Variants in ABCC4 observed in about 807,000 individuals in gnomAD.
ABCC4 encodes the protein ATP binding cassette subfamily C member 4 (PEL blood group).
Under a neutral mutation model 168.5 loss-of-function variants are expected in ABCC4, and 102 were observed. The ratio of observed to expected loss-of-function variants is 0.61; its 90% CI spans 0.52 to 0.71. The LOEUF (loss-of-function observed/expected upper bound fraction) is 0.71, where lower values mean the gene tolerates loss of function less well. Ranked by LOEUF, ABCC4 falls within the 30% of genes least tolerant of loss-of-function variation. The probability of loss-of-function intolerance (pLI) is 0.00; values close to 1 mark genes in which losing one functional copy is unlikely to be tolerated. For missense variants in ABCC4, 1,402 were observed against 1,605.8 expected (o/e 0.87, Z 2.17); for synonymous variants, 617 against 590.7 (o/e 1.04, Z -0.65).
intron 21 of ABCC4, among the ~76,000 whole-genome samples, chr13:95,076,600 G>A (rs1202159324): frequency 6.6e-6 from 1 of 151,568 alleles, no homozygotes; most frequent in Non-Finnish European, 1.5e-5. Context: ...AAGTAGCTGG[G>A]ATTACAGATG....
intron 9 of ABCC4, among the ~76,000 whole-genome samples, chr13:95,192,536 C>T (rs2038287795): frequency 6.6e-6 from 1 of 152,234 alleles, no homozygotes; most frequent in African/African-American, 2.4e-5. Context: ...TGTGTGGTAG[C>T]TACCTCAGTG....
intron 20 of ABCC4, among the ~76,000 whole-genome samples, chr13:95,091,908 C>T (rs1175782531): frequency 6.6e-6 from 1 of 152,176 alleles, no homozygotes; most frequent in Non-Finnish European, 1.5e-5. Flanking sequence ...AACCAATCTG[C>T]TGCCTTCTGG....
chr13:95,157,770 C>T (rs879795373), intron 19 of ABCC4, among the ~76,000 whole-genome samples: 10 of 152,050 alleles, frequency 6.6e-5, no homozygotes, highest in Admixed American at 1.3e-4. Flanking sequence ...GCGTGGCCTT[C>T]CTAGAAACAG....
chr13:95,208,523 C>A (rs1186691447), intron 6 of ABCC4, among the ~76,000 whole-genome samples: 6 of 150,680 alleles, frequency 4.0e-5, no homozygotes, highest in Non-Finnish European at 8.8e-5. Context: ...ACAACCTTGA[C>A]AATGAACCAT....
chr13:95,219,039 AG>A (rs1233434664), intron 4 of ABCC4, among the ~76,000 whole-genome samples: 1 of 152,084 alleles, frequency 6.6e-6, no homozygotes, highest in African/African-American at 2.4e-5. Flanking sequence ...AAGAAAAGAA[AG>A]GGAAAAAAAA....
In ABCC4 at chr13:95,161,317, A is replaced by T. The variant is rs775415620; in HGVS notation, c.2327T>A (p.Val776Asp). The change falls in exon 19 of 31, where the codon GTT becomes GAT. Residue 776 changes from valine (V) to aspartate (D), a missense_variant. Coordinates refer to ENST00000645237, the MANE Select transcript of ABCC4 (RefSeq NM_005845.5). ...GIYSGLTVAT[V>D]LFGIARSLLV... is the part of the protein sequence containing the mutation. ...TAGAGATCTTGCTATGCCAAAAAGAACGGTAGCTACAGTTAAACCTGAAAT... is the reference window on the plus strand; with the variant it reads ...TAGAGATCTTGCTATGCCAAAAAGATCGGTAGCTACAGTTAAACCTGAAAT... The T allele has an allele frequency of 2.5e-6, 4 of 1,589,700 alleles. No individual in the cohort carries two copies. The highest frequency in any genetic ancestry group is 3.4e-6 in the Non-Finnish European group (4 of 1,172,426).
chr13:95,109,729 C>T (rs2035137781), intron 20 of ABCC4, among the ~76,000 whole-genome samples: 1 of 152,152 alleles, frequency 6.6e-6, no homozygotes, highest in African/African-American at 2.4e-5. Flanking sequence ...CCATTCTCTC[C>T]TACAGTATCC....
chr13:95,282,851 T>C (rs142891402), intron 1 of ABCC4, among the ~76,000 whole-genome samples: 103 of 152,146 alleles, frequency 6.8e-4, no homozygotes, highest in Non-Finnish European at 1.3e-3. Context: ...GTTAAATATG[T>C]TATGTGTGAG....
intron 1 of ABCC4, among the ~76,000 whole-genome samples, chr13:95,263,959 A>G (rs1486177146): frequency 2.0e-5 from 3 of 152,242 alleles, no homozygotes; most frequent in Non-Finnish European, 2.9e-5. Flanking sequence ...GGGCAGAAGA[A>G]GTACAAGACA....
intron 19 of ABCC4, among the ~76,000 whole-genome samples, chr13:95,143,229 G>T (rs1476188049): frequency 6.6e-6 from 1 of 151,740 alleles, no homozygotes; most frequent in African/African-American, 2.4e-5. Context: ...CAGGCCTAGA[G>T]AACAGCTGGA....
intron 19 of ABCC4, among the ~76,000 whole-genome samples, chr13:95,146,999 T>C (rs1317829459): frequency 6.6e-6 from 1 of 152,194 alleles, no homozygotes; most frequent in Non-Finnish European, 1.5e-5. Flanking sequence ...ATTTTTGACT[T>C]TCTTAAGCTC....
intron 20 of ABCC4, among the ~76,000 whole-genome samples, chr13:95,104,528 A>G (rs1371394110): frequency 1.3e-5 from 2 of 152,208 alleles, no homozygotes; most frequent in African/African-American, 2.4e-5. Flanking sequence ...TTTTCCTCCA[A>G]TTCTCATCTC....
At position 95,244,657 on chromosome 13, in the gene ABCC4, G is replaced by T. The variant is rs1487588598; in HGVS notation, c.306+2318C>A. Among the ~76,000 whole-genome samples, 20 of 79,448 alleles carry T rather than the reference G, an allele frequency of 2.5e-4. 5 individuals carry two copies. Among genetic ancestry groups the T allele is most frequent in the Middle Eastern group, 5.2e-3 (1 of 194 alleles). The allele number at this position is 79,448 out of a possible 152,430, so 52.1% of individuals were successfully genotyped here. On this transcript the variant is annotated intron_variant, in intron 3 of 30. Transcript: ENST00000645237. ...AGAAAGAAAGAAAGAAAGAAAGAAA[G>T]AAAGAAAGAAAGAAATCATAGCAGT...
intron 23 of ABCC4, among the ~76,000 whole-genome samples, chr13:95,073,779 C>T (rs2033809082): frequency 6.6e-6 from 1 of 152,128 alleles, no homozygotes; most frequent in South Asian, 2.1e-4. Flanking sequence ...TGAACTCATG[C>T]CCTGCTTGTC....
At chr13:95,246,859 A>G (rs1440855043) in intron 3 of ABCC4, 116 bp downstream of exon 3, 5 of 1,229,786 alleles carry the variant, frequency 4.1e-6, no homozygotes, top group Non-Finnish European at 5.7e-6. Context: ...ATACCTTCAA[A>G]CCCCATCTGG....
intron 1 of ABCC4, among the ~76,000 whole-genome samples, chr13:95,250,483 A>AT (rs1197546436): frequency 6.6e-6 from 1 of 152,186 alleles, no homozygotes; most frequent in African/African-American, 2.4e-5. Context: ...AATAAGACAG[A>AT]TGGGTAGAGT....
intron 8 of ABCC4, among the ~76,000 whole-genome samples, chr13:95,196,649 G>C (rs1486724380): frequency 4.0e-5 from 1 of 24,862 alleles, no homozygotes; most frequent in African/African-American, 2.2e-4. Flanking sequence ...AGGAAGGAAG[G>C]AAGGAAGGAA....
intron 1 of ABCC4, among the ~76,000 whole-genome samples, chr13:95,279,156 T>C (rs1236068085): frequency 6.6e-6 from 1 of 152,172 alleles, no homozygotes; most frequent in Non-Finnish European, 1.5e-5. Context: ...AAGAAATCCA[T>C]TTCTGTAGCA....
chr13:95,185,868 C>T (rs182291146), intron 11 of ABCC4, among the ~76,000 whole-genome samples: 4 of 151,946 alleles, frequency 2.6e-5, no homozygotes, highest in African/African-American at 9.7e-5. Flanking sequence ...AAATGATACA[C>T]AATGAAAAAT....
Sources: gnomAD v4.1 joint callset for allele counts (sites outside exome capture counted in the v4.1 genomes callset) on GRCh38, gnomAD v4.1.1 for gene constraint, MANE v1.5 for transcripts, NCBI Gene and HGNC (gene_info 2026-07-23, HGNC 2026-07-21) for gene names.